Variants in RGS5 observed in about 807,000 individuals in gnomAD.
RGS5 encodes the protein regulator of G protein signaling 5.
In RGS5, 20 loss-of-function variants were observed where a neutral mutation model predicts 18.9. The ratio of observed to expected loss-of-function variants is 1.06; its 90% confidence interval spans 0.74 to 1.54. The LOEUF (loss-of-function observed/expected upper bound fraction) is 1.54, where lower values mean the gene tolerates loss of function less well. RGS5 is among the 40% of genes most tolerant of loss of function. RGS5 has a pLI of 0.00. For synonymous variants in RGS5, 57 were observed against 76.2 expected (o/e 0.75, Z 1.31); for missense variants, 201 against 211.8 (o/e 0.95, Z 0.32).
At chr1:163,261,927 C>T (rs995236593) in intron 2 of RGS5, among the ~76,000 whole-genome samples, 1 of 152,018 alleles carries the variant, frequency 6.6e-6, no homozygotes, top group Non-Finnish European at 1.5e-5. Context: ...ACCTCTCCTC[C>T]CTCCTCAAGG....
chr1:163,270,278 G>A (rs1235648764), intron 2 of RGS5, among the ~76,000 whole-genome samples: 1 of 147,574 alleles, frequency 6.8e-6, no homozygotes, highest in Non-Finnish European at 1.5e-5. Context: ...TTGGGAGACT[G>A]AAGCAGGAGG....
chr1:163,188,824 G>A (rs1053002380), intron 1 of RGS5, among the ~76,000 whole-genome samples: 13 of 142,748 alleles, frequency 9.1e-5, no homozygotes, highest in South Asian at 7.0e-4. Flanking sequence ...GTGGTGACAC[G>A]AGCCTGTAGT....
At position 163,143,175 on chromosome 1, in the gene RGS5, A is replaced by G. The variant is rs1656990752; in HGVS notation, c.*4167T>C. The G allele has an allele frequency of 6.6e-6, 1 of 152,236 alleles. No individual in the cohort carries two copies. Among genetic ancestry groups the G allele is most frequent in the Non-Finnish European group, 1.5e-5 (1 of 68,038 alleles). The allele number at this position is 152,236 out of a possible 1,614,324, so 9.4% of individuals were successfully genotyped here. On this transcript the variant is annotated 3_prime_UTR_variant, in exon 5 of 5. Coordinates refer to ENST00000313961, the MANE Select transcript of RGS5 (RefSeq NM_003617.4). Reference sequence around the variant, plus strand: ...GGTGAAAAGTGTGTTTAACACAAACAGTAGCTGCTAAATTGTTAACTAAAG... The same window carrying G: ...GGTGAAAAGTGTGTTTAACACAAACGGTAGCTGCTAAATTGTTAACTAAAG...
chr1:163,171,704 A>G (rs1282650025), intron 1 of RGS5, among the ~76,000 whole-genome samples: 1 of 152,222 alleles, frequency 6.6e-6, no homozygotes, highest in Non-Finnish European at 1.5e-5. Context: ...AAGAAATCGA[A>G]TGTATGTAAA....
intron 2 of RGS5, among the ~76,000 whole-genome samples, chr1:163,243,251 C>T (rs7526093): frequency 1.5e-3 from 228 of 152,112 alleles, no homozygotes; most frequent in African/African-American, 5.2e-3. Flanking sequence ...TGAGAACACA[C>T]GGACACAGGG....
chr1:163,224,379 G>C (rs553996582), intron 2 of RGS5, among the ~76,000 whole-genome samples: 1 of 152,264 alleles, frequency 6.6e-6, no homozygotes, highest in African/African-American at 2.4e-5. Flanking sequence ...CAAATGAAAG[G>C]AGTTTCTCTT....
chr1:163,222,244 T>C (rs7551823), upstream of RGS5, among the ~76,000 whole-genome samples: 54,245 of 151,902 alleles, frequency 0.36, 10,031 homozygotes, highest in African/African-American at 0.41. Context: ...CCGCCTCCTG[T>C]TGGATCAACA....
At chr1:163,274,461 T>C (rs1277190589) in intron 2 of RGS5, among the ~76,000 whole-genome samples, 1 of 151,624 alleles carries the variant, frequency 6.6e-6, no homozygotes, top group Admixed American at 6.6e-5. Flanking sequence ...TTGTCCTATG[T>C]ACCTTTTCAT....
chr1:163,164,399 C>T (rs1657953956), intron 2 of RGS5, among the ~76,000 whole-genome samples: 1 of 152,058 alleles, frequency 6.6e-6, no homozygotes, highest in Non-Finnish European at 1.5e-5. Context: ...GATGATTAAC[C>T]ACATGTTTTA....
chr1:163,222,283 AC>A (rs1647243285), upstream of RGS5, among the ~76,000 whole-genome samples: 1 of 151,888 alleles, frequency 6.6e-6, no homozygotes, highest in Non-Finnish European at 1.5e-5. Context: ...AGGAGCATGA[AC>A]TCTATTGTGA....
chr1:163,154,949 CTATGTATATGTATA>C (rs1657523989), intron 3 of RGS5, among the ~76,000 whole-genome samples: 2 of 96,600 alleles, frequency 2.1e-5, no homozygotes, highest in Non-Finnish European at 5.0e-5. Context: ...AATTATAAAA[CTATGTATATGTATA>C]TATGTATATG....
intron 2 of RGS5, among the ~76,000 whole-genome samples, chr1:163,229,131 G>C (rs1274932138): frequency 6.6e-6 from 1 of 152,034 alleles, no homozygotes; most frequent in African/African-American, 2.4e-5. Flanking sequence ...TACTGTATTA[G>C]TCCATTCTCA....
Position 163,147,209 on chromosome 1 carries a change from C to T in RGS5, c.*133G>A. On this transcript the variant is annotated 3_prime_UTR_variant, in exon 5 of 5. Coordinates refer to ENST00000313961, the MANE Select transcript of RGS5 (RefSeq NM_003617.4). ...CAGTGTGGGCAAAAAGAGTAAGCAA[C>T]ATCCCCTGGGATTTTTCCCATGTGG... is the stretch of plus-strand genomic sequence containing the variant. The T allele has an allele frequency of 1.1e-6, 1 of 916,928 alleles. No individual in the cohort carries two copies. Among genetic ancestry groups the T allele is most frequent in the Admixed American group, 3.4e-5 (1 of 29,672 alleles). 56.8% of individuals were successfully genotyped at this position (916,928 alleles called of 1,614,324 possible). A position where few individuals can be genotyped will look rare whatever the true frequency, so the allele number is the denominator to read the frequency against.
intron 2 of RGS5, among the ~76,000 whole-genome samples, chr1:163,290,654 A>C (rs1231067261): frequency 2.2e-5 from 1 of 44,684 alleles, no homozygotes; most frequent in East Asian, 2.7e-4. Context: ...AGCTCATACC[A>C]AAAAAAAAAA....
chr1:163,212,089 G>T (rs1413509666), intron 1 of RGS5: 2 of 152,170 alleles, frequency 1.3e-5, no homozygotes, highest in African/African-American at 4.8e-5. Context: ...GATTAGTCTT[G>T]CAATTCCTAC....
intron 2 of RGS5, among the ~76,000 whole-genome samples, chr1:163,298,900 G>A (rs1413246037): frequency 1.3e-5 from 2 of 152,166 alleles, no homozygotes; most frequent in South Asian, 2.1e-4. Flanking sequence ...TGCAGGTTAA[G>A]TAGATAATTA....
chr1:163,268,299 T>C (rs1017068530), intron 2 of RGS5, among the ~76,000 whole-genome samples: 3 of 152,168 alleles, frequency 2.0e-5, no homozygotes, highest in Non-Finnish European at 4.4e-5. Flanking sequence ...CCCAGAGCCA[T>C]GGGATTCTTC....
chr1:163,259,159 A>ATT (rs139012006), intron 2 of RGS5, among the ~76,000 whole-genome samples: 7 of 149,542 alleles, frequency 4.7e-5, no homozygotes, highest in Non-Finnish European at 8.9e-5. Flanking sequence ...CAGTCTTAGT[A>ATT]TTTTTTTTTT....
At chr1:163,269,368 T>A (rs1648652631) in intron 2 of RGS5, among the ~76,000 whole-genome samples, 1 of 152,134 alleles carries the variant, frequency 6.6e-6, no homozygotes, top group Non-Finnish European at 1.5e-5. Context: ...AGTTACTTTC[T>A]ATGGGGGCTT....
Sources: gnomAD v4.1 joint callset for allele counts (sites outside exome capture counted in the v4.1 genomes callset) on GRCh38, gnomAD v4.1.1 for gene constraint, MANE v1.5 for transcripts, NCBI Gene and HGNC (gene_info 2026-07-23, HGNC 2026-07-21) for gene names.